The following PRKCA variants were observed in gnomAD, a reference collection of about 807,000 sequenced individuals.
PRKCA encodes the protein protein kinase C alpha type.
In PRKCA, 27 loss-of-function variants were observed where a neutral mutation model predicts 87.0. The ratio of observed to expected loss-of-function variants is 0.31; its 90% CI spans 0.23 to 0.43. The LOEUF is 0.43. PRKCA is among the 20% of genes least tolerant of loss of function. The pLI is 1.00. For synonymous variants in PRKCA, 329 were observed against 311.1 expected, an observed-to-expected ratio of 1.06 and a Z score of -0.61; for missense variants, 518 against 852.3, an observed-to-expected ratio of 0.61 and a Z score of 4.88.
rs1162426790 is a variant in PRKCA, at chr17:66,396,630, TC to T, written c.205+90504del. Among the ~76,000 whole-genome samples the T allele has an allele frequency of 3.8e-3, 311 of 81,372 alleles. 1 individual carries two copies. Among genetic ancestry groups the T allele is most frequent in the African/African-American group, 0.012 (297 of 24,268 alleles). 53.4% of individuals were successfully genotyped at this position (81,372 alleles called of 152,430 possible). Reference sequence around the variant, plus strand: ...TGAATGTTCTGTCATTCATTCTCTCTCTTTTTTTTTTTTTTCGTGACAGAGT... The same window carrying T: ...TGAATGTTCTGTCATTCATTCTCTCTTTTTTTTTTTTTTTCGTGACAGAGT... On this transcript the variant is annotated intron_variant, in intron 2 of 16. Coordinates refer to ENST00000413366, the MANE Select transcript of PRKCA (RefSeq NM_002737.3).
At chr17:66,540,208 A>G (rs1453124824) in intron 3 of PRKCA, among the ~76,000 whole-genome samples, 1 of 152,220 alleles carries the variant, frequency 6.6e-6, no homozygotes, top group Non-Finnish European at 1.5e-5. Flanking sequence ...GAAAACCTCA[A>G]AAATAAATAC....
At chr17:66,741,535 C>A in intron 11 of PRKCA, 124 bp from the exon 12 acceptor site, 1 of 982,212 alleles carries the variant, frequency 1.0e-6, no homozygotes, top group Admixed American at 2.1e-5. Flanking sequence ...GAACACGATG[C>A]TGGTCTCTGA....
intron 3 of PRKCA, among the ~76,000 whole-genome samples, chr17:66,549,316 T>G (rs969341369): frequency 1.1e-4 from 17 of 152,194 alleles, no homozygotes; most frequent in African/African-American, 3.9e-4. Flanking sequence ...GAGCCTGGGC[T>G]CTCAACTTCT....
chr17:66,547,035 A>G (rs147596569), intron 3 of PRKCA, among the ~76,000 whole-genome samples: 9 of 151,994 alleles, frequency 5.9e-5, no homozygotes, highest in Non-Finnish European at 1.2e-4. Flanking sequence ...GACTAAGGTG[A>G]GCTCCTTGTT....
intron 3 of PRKCA, among the ~76,000 whole-genome samples, chr17:66,498,080 C>T (rs766077470): frequency 7.9e-5 from 12 of 152,144 alleles, no homozygotes; most frequent in Non-Finnish European, 1.6e-4. Flanking sequence ...CGTTGAGTGA[C>T]TTGCCTGCAT....
chr17:66,407,028 C>T (rs753810430), intron 2 of PRKCA, among the ~76,000 whole-genome samples: 5 of 152,072 alleles, frequency 3.3e-5, no homozygotes, highest in Admixed American at 1.3e-4. Context: ...AAAATGAAAG[C>T]CTGGGTTTTA....
chr17:66,543,169 C>T (rs1053295072), intron 3 of PRKCA, among the ~76,000 whole-genome samples: 11 of 152,044 alleles, frequency 7.2e-5, no homozygotes, highest in African/African-American at 2.2e-4. Context: ...TATTTTCTTC[C>T]GTATGACGAC....
At chr17:66,333,900 C>T (rs1906502356) in intron 2 of PRKCA, among the ~76,000 whole-genome samples, 1 of 152,156 alleles carries the variant, frequency 6.6e-6, no homozygotes, top group South Asian at 2.1e-4. Context: ...TCTGATTATA[C>T]TAGTCTTGTG....
chr17:66,328,190 A>G (rs979502949), intron 2 of PRKCA, among the ~76,000 whole-genome samples: 17 of 152,030 alleles, frequency 1.1e-4, no homozygotes, highest in Admixed American at 2.6e-4. Context: ...TAACAGATGC[A>G]TGCCCCTATG....
At chr17:66,614,006 G>A (rs1970448514) in intron 3 of PRKCA, among the ~76,000 whole-genome samples, 1 of 152,046 alleles carries the variant, frequency 6.6e-6, no homozygotes. Flanking sequence ...GGCCAGGCTT[G>A]TCTTGAACTC....
intron 2 of PRKCA, among the ~76,000 whole-genome samples, chr17:66,450,527 A>C (rs893270677): frequency 6.6e-6 from 1 of 152,150 alleles, no homozygotes; most frequent in African/African-American, 2.4e-5. Flanking sequence ...GTGAGGTGGG[A>C]TGCAGGTGGA....
At chr17:66,395,152 C>G (rs1285292419) in intron 2 of PRKCA, among the ~76,000 whole-genome samples, 1 of 152,024 alleles carries the variant, frequency 6.6e-6, no homozygotes, top group Non-Finnish European at 1.5e-5. Context: ...TTCTTTATAG[C>G]AGTCTGAAAA....
intron 10 of PRKCA, among the ~76,000 whole-genome samples, chr17:66,737,340 G>A (rs1974059648): frequency 6.6e-6 from 1 of 152,178 alleles, no homozygotes. Flanking sequence ...TCCAGCCTGG[G>A]CAACAGAGCA....
chr17:66,483,148 CA>C (rs1444389975), intron 2 of PRKCA, among the ~76,000 whole-genome samples: 1 of 152,140 alleles, frequency 6.6e-6, no homozygotes, highest in Non-Finnish European at 1.5e-5. Context: ...ATTTGCTTTC[CA>C]AAAACCACCT....
intron 3 of PRKCA, among the ~76,000 whole-genome samples, chr17:66,505,942 C>A (rs910048541): frequency 2.6e-5 from 4 of 152,148 alleles, no homozygotes; most frequent in African/African-American, 7.2e-5. Context: ...GATCCTCCTG[C>A]GTAGCTGGGG....
chr17:66,588,471 A>G (rs1185745733), intron 3 of PRKCA, among the ~76,000 whole-genome samples: 2 of 152,102 alleles, frequency 1.3e-5, no homozygotes, highest in African/African-American at 4.8e-5. Flanking sequence ...GAAATAGGGA[A>G]GAGCATTCAA....
chr17:66,478,844 A>G (rs1234100679), intron 2 of PRKCA, among the ~76,000 whole-genome samples: 1 of 152,182 alleles, frequency 6.6e-6, no homozygotes, highest in Non-Finnish European at 1.5e-5. Flanking sequence ...CCACATCATG[A>G]TTATTGTTAA....
At chr17:66,355,791 AT>A (rs1598612264) in intron 2 of PRKCA, among the ~76,000 whole-genome samples, 1 of 152,230 alleles carries the variant, frequency 6.6e-6, no homozygotes, top group African/African-American at 2.4e-5. Flanking sequence ...GTAATAGAAT[AT>A]TAAGTATCCT....
intron 5 of PRKCA, among the ~76,000 whole-genome samples, chr17:66,664,427 T>G (rs990601511): frequency 3.3e-5 from 5 of 152,042 alleles, no homozygotes; most frequent in African/African-American, 9.7e-5. Flanking sequence ...CCAGGAATCA[T>G]CAAGAACAAG....
Sources: gnomAD v4.1 joint callset for allele counts (sites outside exome capture counted in the v4.1 genomes callset) on GRCh38, gnomAD v4.1.1 for gene constraint, MANE v1.5 for transcripts, NCBI Gene and HGNC (gene_info 2026-07-23, HGNC 2026-07-21) for gene names.